ZBTB44: variants seen among roughly 807,000 people sequenced by gnomAD.
The protein encoded by ZBTB44 is zinc finger and BTB domain containing 44.
A neutral mutation model predicts 54.0 loss-of-function variants in ZBTB44; 15 were observed. That is an observed-to-expected ratio of 0.28 (90% CI 0.19 to 0.43). ZBTB44 has a LOEUF of 0.43. Ranked by LOEUF, ZBTB44 falls within the 20% of genes least tolerant of loss-of-function variation. The probability of loss-of-function intolerance (pLI) is 1.00; values close to 1 mark genes in which losing one functional copy is unlikely to be tolerated. For missense variants in ZBTB44, 487 were observed against 707.1 expected (o/e 0.69, Z 3.53); for synonymous variants, 230 against 250.1 (o/e 0.92, Z 0.76).
chr11:130,229,242 T>G lies in ZBTB44; in HGVS notation c.*2522A>C, dbSNP rs1264811469. On this transcript the variant is annotated 3_prime_UTR_variant, in exon 8 of 8. Coordinates refer to ENST00000357899, the MANE Select transcript of ZBTB44 (RefSeq NM_001301098.2). Reference sequence around the variant, plus strand: ...AAATATAATCACGATAGAGTGGAAATGTCTAACTGTATTAGTTTAGTAAAA... The same window carrying G: ...AAATATAATCACGATAGAGTGGAAAGGTCTAACTGTATTAGTTTAGTAAAA... 1 of 152,108 alleles carries G rather than the reference T, an allele frequency of 6.6e-6. No individual in the cohort carries two copies. Among genetic ancestry groups the G allele is most frequent in the Non-Finnish European group, 1.5e-5 (1 of 68,024 alleles). 9.4% of individuals were successfully genotyped at this position (152,108 alleles called of 1,614,324 possible). A position where few individuals can be genotyped will look rare whatever the true frequency, so the allele number is the denominator to read the frequency against.
chr11:130,259,495 C>A (rs747646190), intron 2 of ZBTB44, among the ~76,000 whole-genome samples: 21 of 152,206 alleles, frequency 1.4e-4, no homozygotes, highest in Non-Finnish European at 5.9e-5. Flanking sequence ...TATAAAGACA[C>A]ATGCGCACAT....
At position 130,230,413 on chromosome 11, in the gene ZBTB44, G is replaced by GTTTTTTT. The variant is rs60251959; in HGVS notation, c.*1344_*1350dup. ...GGCAAAGTATTTTAACAAGATGAAA[G>GTTTTTTT]TTTTTTTTTTTTTTTTTTTTTGCTA... On this transcript the variant is annotated 3_prime_UTR_variant, in exon 8 of 8. Transcript: ENST00000357899. The GTTTTTTT allele has an allele frequency of 7.6e-5, 8 of 105,412 alleles. No individual in the cohort carries two copies. Among genetic ancestry groups the GTTTTTTT allele is most frequent in the Admixed American group, 2.3e-4 (2 of 8,678 alleles). The allele number at this position is 105,412 out of a possible 1,614,324, so 6.5% of individuals were successfully genotyped here. A position where few individuals can be genotyped will look rare whatever the true frequency, so the allele number is the denominator to read the frequency against.
chr11:130,253,445 A>C (rs889396398), intron 2 of ZBTB44, among the ~76,000 whole-genome samples: 2 of 152,236 alleles, frequency 1.3e-5, no homozygotes, highest in African/African-American at 4.8e-5. Flanking sequence ...AGAGAGCCAA[A>C]TCATGAGTGA....
At chr11:130,275,773 G>A (rs1315988655) in intron 1 of ZBTB44, among the ~76,000 whole-genome samples, 2 of 152,034 alleles carry the variant, frequency 1.3e-5, no homozygotes, top group East Asian at 2.0e-4. Context: ...GAGTACAGGC[G>A]CGTGCCAGCA....
intron 1 of ZBTB44, among the ~76,000 whole-genome samples, chr11:130,277,101 C>CT (rs1357154600): frequency 1.3e-5 from 2 of 152,066 alleles, no homozygotes; most frequent in Non-Finnish European, 2.9e-5. Context: ...CTGACAATCT[C>CT]TGTCTTTTGA....
chr11:130,276,913 CTT>C (rs1484323411), intron 1 of ZBTB44, among the ~76,000 whole-genome samples: 10 of 152,134 alleles, frequency 6.6e-5, no homozygotes, highest in Non-Finnish European at 1.3e-4. Context: ...TCTAGTAACA[CTT>C]TTTGTTATAA....
intron 2 of ZBTB44, among the ~76,000 whole-genome samples, chr11:130,259,320 G>C (rs897856460): frequency 6.6e-5 from 10 of 152,344 alleles, no homozygotes; most frequent in Admixed American, 5.2e-4. Flanking sequence ...TGTTGAGGAT[G>C]TGGAGAAATA....
intron 1 of ZBTB44, among the ~76,000 whole-genome samples, chr11:130,309,919 A>G (rs1031976600): frequency 6.6e-6 from 1 of 151,920 alleles, no homozygotes; most frequent in African/African-American, 2.4e-5. Context: ...AAAAGTTAAA[A>G]AAGTAGATGG....
intron 2 of ZBTB44, among the ~76,000 whole-genome samples, chr11:130,247,381 G>C (rs1235251431): frequency 6.6e-6 from 1 of 152,208 alleles, no homozygotes; most frequent in Non-Finnish European, 1.5e-5. Flanking sequence ...TGGCTGGGAT[G>C]TAAGTTCATG....
chr11:130,269,585 T>C (rs1004503637), intron 1 of ZBTB44, among the ~76,000 whole-genome samples: 5 of 152,204 alleles, frequency 3.3e-5, no homozygotes, highest in Non-Finnish European at 5.9e-5. Context: ...AAACAACATA[T>C]AATTTAAGGG....
chr11:130,234,301 G>T, intron 5 of ZBTB44, 28 bp from the exon 6 acceptor site: 1 of 1,497,124 alleles, frequency 6.7e-7, no homozygotes, highest in South Asian at 1.3e-5. Flanking sequence ...GATGAAATAT[G>T]GAATTAATTT....
At chr11:130,241,772 C>T (rs1236358248) in intron 2 of ZBTB44, among the ~76,000 whole-genome samples, 1 of 151,904 alleles carries the variant, frequency 6.6e-6, no homozygotes, top group African/African-American at 2.4e-5. Flanking sequence ...CTTTCCCTGT[C>T]TGAAATTATC....
In ZBTB44 at chr11:130,288,197, A is replaced by AC. The variant is rs777132800; in HGVS notation, c.-57+26177dup. On this transcript the variant is annotated intron_variant, in intron 1 of 7. Transcript: ENST00000357899. ...AGACCAGCCTGGCCAACATGGTGAA[A>AC]CCCCCGTCTCTACCAAAAATATAAA... Among the ~76,000 whole-genome samples the AC allele has an allele frequency of 7.9e-5, 12 of 151,600 alleles. No homozygotes were observed. The East Asian group carries it at 2.2e-3, about 27-fold the overall frequency.
chr11:130,280,721 T>C (rs1270767593), intron 1 of ZBTB44, among the ~76,000 whole-genome samples: 1 of 152,234 alleles, frequency 6.6e-6, no homozygotes, highest in Non-Finnish European at 1.5e-5. Flanking sequence ...CCAAACTTCT[T>C]TACGTTGACT....
chr11:130,240,530 C>G (rs1470304927), intron 2 of ZBTB44, among the ~76,000 whole-genome samples: 1 of 152,136 alleles, frequency 6.6e-6, no homozygotes, highest in African/African-American at 2.4e-5. Flanking sequence ...CACTGAAATT[C>G]TTATTTTTTA....
chr11:130,241,662 A>G (rs1204952795), intron 2 of ZBTB44, among the ~76,000 whole-genome samples: 2 of 150,948 alleles, frequency 1.3e-5, no homozygotes, highest in Non-Finnish European at 3.0e-5. Context: ...TTTTTTTTTC[A>G]CCCTTTCTAA....
Position 130,238,705 on chromosome 11 carries a change from TAA to T in ZBTB44, c.1104-100_1104-99del, listed in dbSNP as rs1246249603. 4.0e-6 allele frequency: 5 copies of T among 1,249,406 alleles called. No homozygotes were observed. The African/African-American group carries it at 6.2e-5, about 16-fold the overall frequency. 77.4% of individuals were successfully genotyped at this position (1,249,406 alleles called of 1,614,324 possible). On this transcript the variant is annotated intron_variant, in intron 3 of 7. Coordinates refer to ENST00000357899, the MANE Select transcript of ZBTB44 (RefSeq NM_001301098.2). The stretch of plus-strand genomic sequence containing the variant: ...TTTAAATGAAAAAAGATAAAACACT[TAA>T]AGACTTTTTGAAACAGTTTAACTGT...
rs559486768 is a variant in ZBTB44, at chr11:130,314,891, G to C, written c.-573C>G. On this transcript the variant is annotated 5_prime_UTR_variant, in exon 1 of 8. Coordinates refer to ENST00000357899, the MANE Select transcript of ZBTB44 (RefSeq NM_001301098.2). ...CCGCTCCGCTCACTCCAGCCTGTTT[G>C]GGGGCACTTTGTTTGTGTCCCACAA... is the stretch of plus-strand genomic sequence containing the variant. The C allele has an allele frequency of 6.6e-6, 1 of 151,628 alleles. No individual in the cohort carries two copies. The highest frequency in any genetic ancestry group is 2.4e-5 in the African/African-American group (1 of 41,204). 9.4% of individuals were successfully genotyped at this position (151,628 alleles called of 1,614,324 possible).
chr11:130,237,180 A>T, intron 4 of ZBTB44, 87 bp from the exon 5 acceptor site: 1 of 1,276,522 alleles, frequency 7.8e-7, no homozygotes, highest in Non-Finnish European at 1.0e-6. Context: ...ATATTTCTGT[A>T]GCAACAGATC....
Sources: allele counts gnomAD v4.1 joint callset (sites outside exome capture counted in the v4.1 genomes callset), GRCh38; gene constraint gnomAD v4.1.1; transcripts MANE v1.5; gene names NCBI Gene and HGNC (gene_info 2026-07-23, HGNC 2026-07-21).